Variants in VPS13B observed in about 807,000 individuals in gnomAD.
The protein encoded by VPS13B is intermembrane lipid transfer protein VPS13B.
A neutral mutation model predicts 426.4 loss-of-function variants in VPS13B; 285 were observed. The ratio of observed to expected loss-of-function variants is 0.67; its 90% CI spans 0.61 to 0.74. The LOEUF is 0.74. Ranked by LOEUF, VPS13B falls within the 30% of genes least tolerant of loss-of-function variation. The pLI, the probability that VPS13B is intolerant of heterozygous loss-of-function variation, is 0.00. For synonymous variants in VPS13B, 1,676 were observed against 1,676.4 expected (o/e 1.00, Z 0.01); for missense variants, 4,537 against 4,782.6 (o/e 0.95, Z 1.51).
Position 99,121,362 on chromosome 8 carries a change from A to G in VPS13B, c.1123A>G (p.Met375Val). The G allele has an allele frequency of 6.2e-7, 1 of 1,614,182 alleles. No individual in the cohort carries two copies. The highest frequency in any genetic ancestry group is 8.5e-7 in the Non-Finnish European group (1 of 1,180,024). ...DFVGNDPAST[M>V]HQQKAQTLKD... ...TGTTGGGAACGATCCTGCATCAACC[A>G]TGCATCAACAAAAAGCACAGACTTT... Residue 375 changes from methionine (M) to valine (V), a missense_variant, in exon 8 of 62, where the codon ATG becomes GTG. Coordinates refer to ENST00000357162, the MANE Select transcript of VPS13B (RefSeq NM_152564.5).
intron 17 of VPS13B, among the ~76,000 whole-genome samples, chr8:99,250,367 G>C (rs1032494931): frequency 6.6e-6 from 1 of 151,990 alleles, no homozygotes; most frequent in African/African-American, 2.4e-5. Flanking sequence ...TTATAATTTT[G>C]ATGAGGCCAA....
rs564691751 is a variant in VPS13B, at chr8:99,192,870, G to C, written c.2334-6G>C. Reference sequence around the variant, plus strand: ...GTATTGCGATTCTTTCTGTTTTCTTGTGCAGGACCAAAAGATCTCAGATTG... The same window carrying C: ...GTATTGCGATTCTTTCTGTTTTCTTCTGCAGGACCAAAAGATCTCAGATTG... On this transcript the variant is annotated splice_region_variant and splice_polypyrimidine_tract_variant and intron_variant, in intron 16 of 61. Transcript: ENST00000357162. 2.5e-6 allele frequency: 4 copies of C among 1,612,316 alleles called. No individual in the cohort carries two copies. The highest frequency in any genetic ancestry group is 2.2e-5 in the East Asian group (1 of 44,788).
chr8:99,643,833 G>C (rs985476284), intron 34 of VPS13B, among the ~76,000 whole-genome samples: 2 of 152,108 alleles, frequency 1.3e-5, no homozygotes, highest in African/African-American at 4.8e-5. Context: ...TCATTTACTG[G>C]GTGCCTGTGA....
intron 6 of VPS13B, among the ~76,000 whole-genome samples, chr8:99,113,976 T>A (rs1483055729): frequency 1.3e-5 from 2 of 150,874 alleles, no homozygotes; most frequent in East Asian, 3.9e-4. Context: ...GTTCTGGTGA[T>A]TATGATGTTT....
intron 58 of VPS13B, among the ~76,000 whole-genome samples, chr8:99,863,535 C>G (rs895224046): frequency 6.6e-6 from 1 of 152,052 alleles, no homozygotes; most frequent in Non-Finnish European, 1.5e-5. Context: ...CTGTCTCCAC[C>G]CCAACCCCCG....
At chr8:99,685,713 T>C (rs978356860) in intron 35 of VPS13B, among the ~76,000 whole-genome samples, 2 of 152,232 alleles carry the variant, frequency 1.3e-5, no homozygotes, top group Admixed American at 1.3e-4. Context: ...TCAATCTCTT[T>C]GTTACATTTA....
chr8:99,165,363 C>T (rs1811943840), intron 15 of VPS13B, among the ~76,000 whole-genome samples: 1 of 152,154 alleles, frequency 6.6e-6, no homozygotes, highest in South Asian at 2.1e-4. Flanking sequence ...TTGCTTATGG[C>T]TTACCAATTC....
At chr8:99,531,201 G>T (rs1289304866) in intron 30 of VPS13B, among the ~76,000 whole-genome samples, 1 of 152,196 alleles carries the variant, frequency 6.6e-6, no homozygotes, top group African/African-American at 2.4e-5. Flanking sequence ...GTCCTTGAAG[G>T]TACTTGAACA....
At chr8:99,418,571 T>C (rs911663470) in intron 21 of VPS13B, among the ~76,000 whole-genome samples, 1 of 151,160 alleles carries the variant, frequency 6.6e-6, no homozygotes, top group Non-Finnish European at 1.5e-5. Flanking sequence ...TTTTTTGACA[T>C]GGATTTTTGC....
At chr8:99,813,447 CAG>C (rs1157516732) in intron 44 of VPS13B, among the ~76,000 whole-genome samples, 6 of 152,164 alleles carry the variant, frequency 3.9e-5, no homozygotes, top group African/African-American at 7.2e-5. Flanking sequence ...TCAAGAATAA[CAG>C]AGTTAAATAA....
chr8:99,857,917 T>C (rs950845755), intron 56 of VPS13B, among the ~76,000 whole-genome samples: 4 of 152,254 alleles, frequency 2.6e-5, no homozygotes, highest in African/African-American at 9.6e-5. Context: ...CCTAGTGTTA[T>C]CATCCTAACG....
chr8:99,874,807 A>G (rs1817609077), intron 61 of VPS13B, among the ~76,000 whole-genome samples: 1 of 152,304 alleles, frequency 6.6e-6, no homozygotes, highest in Non-Finnish European at 1.5e-5. Flanking sequence ...TGTACTTTAC[A>G]TCCTCTTTTT....
At chr8:99,832,243 T>G in intron 51 of VPS13B, 126 bp from the exon 52 acceptor site, 1 of 1,321,346 alleles carries the variant, frequency 7.6e-7, no homozygotes, top group Non-Finnish European at 1.0e-6. Context: ...GCCTGCGTGA[T>G]GGAGTGAGAC....
At chr8:99,611,025 T>C (rs533092192) in intron 33 of VPS13B, among the ~76,000 whole-genome samples, 2 of 152,196 alleles carry the variant, frequency 1.3e-5, no homozygotes, top group African/African-American at 2.4e-5. Flanking sequence ...ATTTGAGAAA[T>C]TGGATATGAA....
At chr8:99,526,735 T>G (rs976235903) in intron 30 of VPS13B, among the ~76,000 whole-genome samples, 1 of 152,204 alleles carries the variant, frequency 6.6e-6, no homozygotes, top group East Asian at 1.9e-4. Context: ...CCATTTCTGA[T>G]GTAGCAGAGG....
intron 36 of VPS13B, among the ~76,000 whole-genome samples, chr8:99,712,913 G>T (rs573807212): frequency 6.6e-6 from 1 of 152,058 alleles, no homozygotes; most frequent in Non-Finnish European, 1.5e-5. Flanking sequence ...ACGTTGGGGG[G>T]GTTAAGAAGA....
chr8:99,584,589 G>C (rs1826219275), intron 33 of VPS13B, among the ~76,000 whole-genome samples: 1 of 152,098 alleles, frequency 6.6e-6, no homozygotes. Context: ...AATCTGGTTG[G>C]GAAGTAAAGC....
At chr8:99,457,193 G>A (rs944243998) in intron 23 of VPS13B, among the ~76,000 whole-genome samples, 1 of 151,730 alleles carries the variant, frequency 6.6e-6, no homozygotes, top group Non-Finnish European at 1.5e-5. Context: ...CAACATGCCC[G>A]GCTAACATTT....
intron 58 of VPS13B, chr8:99,867,943 G>A (rs1228059201): frequency 5.7e-6 from 2 of 353,850 alleles, no homozygotes; most frequent in Non-Finnish European, 1.1e-5. Flanking sequence ...CTCTGCTCCT[G>A]AGGAACTGTT....
Sources: allele counts gnomAD v4.1 joint callset (sites outside exome capture counted in the v4.1 genomes callset), GRCh38; gene constraint gnomAD v4.1.1; transcripts MANE v1.5; gene names NCBI Gene and HGNC (gene_info 2026-07-23, HGNC 2026-07-21).